CAST: variants seen among roughly 807,000 people sequenced by gnomAD.
CAST encodes calpastatin, also known as MIR583 host.
CAST carries 76 observed loss-of-function variants against 119.6 expected under a neutral mutation model. The ratio of observed to expected loss-of-function variants is 0.64; its 90% CI spans 0.53 to 0.77. The LOEUF is 0.77. CAST is among the 30% of genes least tolerant of loss of function. The pLI, the probability that CAST is intolerant of heterozygous loss-of-function variation, is 0.00. For synonymous variants in CAST, 319 were observed against 331.6 expected (o/e 0.96, Z 0.41); for missense variants, 953 against 946.5 (o/e 1.01, Z -0.09).
the CAST span, among the ~76,000 whole-genome samples, chr5:96,299,105 CGTG>C: frequency 3.3e-5 from 5 of 151,664 alleles, no homozygotes; most frequent in Admixed American, 2.6e-4. Context: ...ATTGGCTGGG[CGTG>C]GTGGTGGGCA....
chr5:96,328,011 A>G, the CAST span, among the ~76,000 whole-genome samples: 1 of 152,214 alleles, frequency 6.6e-6, no homozygotes, highest in Non-Finnish European at 1.5e-5. Context: ...ATGAGCCCAG[A>G]TCTCTACCAG....
At chr5:96,390,522 A>G in the CAST span, 1 of 152,632 alleles carries the variant, frequency 6.6e-6, no homozygotes, top group Admixed American at 6.5e-5. Flanking sequence ...GACAAATGTC[A>G]CTTTTAATAT....
intron 1 of CAST, among the ~76,000 whole-genome samples, chr5:96,594,587 C>A (rs1214323608): frequency 2.0e-5 from 3 of 151,954 alleles, no homozygotes; most frequent in Non-Finnish European, 4.4e-5. Context: ...ATATTAAACA[C>A]CACATTAAAA....
the CAST span, among the ~76,000 whole-genome samples, chr5:96,087,273 T>C: frequency 6.6e-6 from 1 of 152,252 alleles, no homozygotes; most frequent in South Asian, 2.1e-4. Context: ...TAGTATATAA[T>C]GGAGTCTATA....
chr5:96,750,743 A>T, intron 20 of CAST, 61 bp downstream of exon 20: 1 of 888,892 alleles, frequency 1.1e-6, no homozygotes, highest in Non-Finnish European at 1.9e-6. Flanking sequence ...TCCTCCTGTC[A>T]CTCTCTGCTG....
chr5:96,487,035 C>T, the CAST span, among the ~76,000 whole-genome samples: 5 of 152,202 alleles, frequency 3.3e-5, no homozygotes, highest in African/African-American at 4.8e-5. Context: ...AGACTCCTTC[C>T]CCCCATGGGG....
chr5:95,978,371 G>A, the CAST span, among the ~76,000 whole-genome samples: 3 of 152,120 alleles, frequency 2.0e-5, no homozygotes, highest in Admixed American at 6.5e-5. Context: ...TCTCATTATG[G>A]TTTTGATTTG....
chr5:96,322,978 C>A, the CAST span, among the ~76,000 whole-genome samples: 3 of 152,126 alleles, frequency 2.0e-5, no homozygotes, highest in Non-Finnish European at 4.4e-5. Context: ...CCACATGTTG[C>A]TTTTGTTTTG....
chr5:96,491,338 A>AC, the CAST span, among the ~76,000 whole-genome samples: 21 of 149,830 alleles, frequency 1.4e-4, no homozygotes, highest in Non-Finnish European at 3.0e-4. Context: ...TACAAAAAAA[A>AC]AACTTAGCCG....
intron 1 of CAST, among the ~76,000 whole-genome samples, chr5:96,624,092 A>C (rs1296963721): frequency 6.6e-6 from 1 of 152,198 alleles, no homozygotes; most frequent in Non-Finnish European, 1.5e-5. Flanking sequence ...CTAGATTATA[A>C]CTGGACCTAT....
the CAST span, among the ~76,000 whole-genome samples, chr5:96,100,925 T>C: frequency 6.6e-6 from 1 of 152,194 alleles, no homozygotes; most frequent in East Asian, 1.9e-4. Context: ...TGTGTGTGTA[T>C]ATATATATGT....
At chr5:96,574,388 A>T (rs577356840) in intron 1 of CAST, among the ~76,000 whole-genome samples, 2 of 152,220 alleles carry the variant, frequency 1.3e-5, no homozygotes, top group South Asian at 4.1e-4. Context: ...GGATTGATTC[A>T]TTTTGTTCTG....
chr5:96,100,517 A>G, the CAST span, among the ~76,000 whole-genome samples: 5 of 152,136 alleles, frequency 3.3e-5, no homozygotes. Flanking sequence ...TAGCACATGG[A>G]GTGGAGTATA....
chr5:96,678,771 C>G (rs578255080), intron 2 of CAST, among the ~76,000 whole-genome samples: 1 of 151,886 alleles, frequency 6.6e-6, no homozygotes, highest in African/African-American at 2.4e-5. Context: ...CACTTGAACC[C>G]GGGAGGCAGA....
the CAST span, among the ~76,000 whole-genome samples, chr5:96,409,525 G>A: frequency 1.3e-5 from 2 of 152,190 alleles, no homozygotes; most frequent in East Asian, 3.8e-4. Context: ...TCCTAAGGCT[G>A]GCTTTCTTAA....
At chr5:96,193,914 A>T in the CAST span, among the ~76,000 whole-genome samples, 3 of 152,180 alleles carry the variant, frequency 2.0e-5, no homozygotes, top group Non-Finnish European at 4.4e-5. Flanking sequence ...TATTGATAAA[A>T]CCCAAGGGTT....
At chr5:96,043,863 C>T in the CAST span, among the ~76,000 whole-genome samples, 1 of 152,100 alleles carries the variant, frequency 6.6e-6, no homozygotes, top group South Asian at 2.1e-4. Context: ...GCAGGTAATT[C>T]TGTCAGAATG....
At chr5:96,322,515 C>T in the CAST span, among the ~76,000 whole-genome samples, 1 of 152,122 alleles carries the variant, frequency 6.6e-6, no homozygotes, top group Non-Finnish European at 1.5e-5. Context: ...CCTTGCTGTT[C>T]ATTCTTATGC....
chr5:96,179,807 C>A, the CAST span, among the ~76,000 whole-genome samples: 3 of 152,166 alleles, frequency 2.0e-5, no homozygotes, highest in South Asian at 2.1e-4. Flanking sequence ...GAGGCCGAGG[C>A]GGGTGGATCA....
Sources: allele counts gnomAD v4.1 joint callset (sites outside exome capture counted in the v4.1 genomes callset), GRCh38; gene constraint gnomAD v4.1.1; transcripts MANE v1.5; gene names NCBI Gene and HGNC (gene_info 2026-07-23, HGNC 2026-07-21).